The following DPYS variants were observed in gnomAD, a reference collection of about 807,000 sequenced individuals.
DPYS encodes the protein dihydropyrimidinase.
A neutral mutation model predicts 50.3 loss-of-function variants in DPYS; 39 were observed. The observed-to-expected ratio is 0.78, with a 90% CI of 0.60 to 1.01. The LOEUF (loss-of-function observed/expected upper bound fraction) is 1.01. Among genes scored for constraint, DPYS ranks in the 50% least tolerant of loss-of-function variants. DPYS has a pLI of 0.00. For missense variants in DPYS, 659 were observed against 680.9 expected, an observed-to-expected ratio of 0.97 and a Z score of 0.36; for synonymous variants, 245 against 250.7, an observed-to-expected ratio of 0.98 and a Z score of 0.22.
intron 9 of DPYS, chr8:104,380,944 G>A: frequency 2.2e-6 from 1 of 447,282 alleles, no homozygotes. Flanking sequence ...GATTATCCAA[G>A]GCTGTATTGA....
Position 104,393,285 on chromosome 8 carries a change from A to G in DPYS, c.1236-294T>C, listed in dbSNP as rs564782408. On this transcript the variant is annotated intron_variant, in intron 7 of 9. Transcript: ENST00000351513. ...ATGTTCAGATTTTAAAATTATTTTT[A>G]TTTATATGTTAACAACACATTTTTT... is the stretch of plus-strand genomic sequence containing the variant. 1.7e-3 allele frequency among the ~76,000 whole-genome samples: 262 copies of G among 152,300 alleles called. 1 individual carries two copies. Among genetic ancestry groups the G allele is most frequent in the Non-Finnish European group, 3.1e-3 (213 of 68,020 alleles).
intron 7 of DPYS, among the ~76,000 whole-genome samples, chr8:104,417,518 C>T (rs1812407001): frequency 6.6e-6 from 1 of 152,194 alleles, no homozygotes; most frequent in Admixed American, 6.5e-5. Flanking sequence ...TCTCCTGACT[C>T]TAAGTACCAA....
chr8:104,434,890 G>A (rs1231727731), intron 4 of DPYS, among the ~76,000 whole-genome samples: 1 of 152,308 alleles, frequency 6.6e-6, no homozygotes, highest in African/African-American at 2.4e-5. Flanking sequence ...GCTAAAACAA[G>A]TTTAACTGTA....
intron 1 of DPYS, among the ~76,000 whole-genome samples, chr8:104,453,135 T>C (rs903873260): frequency 1.3e-5 from 2 of 152,176 alleles, no homozygotes; most frequent in Non-Finnish European, 2.9e-5. Context: ...CTTACTTCAA[T>C]AGATTTTTAT....
At chr8:104,436,065 T>C (rs1465528201) in intron 4 of DPYS, among the ~76,000 whole-genome samples, 1 of 152,078 alleles carries the variant, frequency 6.6e-6, no homozygotes, top group African/African-American at 2.4e-5. Flanking sequence ...ATAAAGCTTC[T>C]TAGGTGGTGT....
At chr8:104,382,221 C>A (rs913025753) in intron 8 of DPYS, among the ~76,000 whole-genome samples, 2 of 152,192 alleles carry the variant, frequency 1.3e-5, no homozygotes, top group Non-Finnish European at 2.9e-5. Flanking sequence ...AGGCCCACAG[C>A]TCCTGCAGCC....
At chr8:104,399,218 G>T (rs1040184360) in intron 7 of DPYS, among the ~76,000 whole-genome samples, 2 of 150,992 alleles carry the variant, frequency 1.3e-5, no homozygotes, top group East Asian at 1.9e-4. Flanking sequence ...TTGAACCTGG[G>T]GGGTGGAGGT....
chr8:104,399,778 A>G (rs1811726782), intron 7 of DPYS, among the ~76,000 whole-genome samples: 1 of 144,276 alleles, frequency 6.9e-6, no homozygotes, highest in Admixed American at 7.1e-5. Flanking sequence ...CTGAGGCAGG[A>G]GAATGGCGTG....
At chr8:104,466,595 A>T in intron 1 of DPYS, 62 bp downstream of exon 1, 1 of 1,459,728 alleles carries the variant, frequency 6.9e-7, no homozygotes, top group Non-Finnish European at 9.0e-7. Context: ...CCCCGGGACG[A>T]CTGGGGAGGC....
At position 104,427,594 on chromosome 8, in the gene DPYS, T is replaced by G. The variant is rs189129393; in HGVS notation, c.1092+386A>C. On this transcript the variant is annotated intron_variant, in intron 6 of 9. Transcript: ENST00000351513. The stretch of plus-strand genomic sequence containing the variant: ...GCACCCTGCCCCTTCGTGTATTTTT[T>G]ATCATTTCAAGCATTCGTGCCAATG... Among the ~76,000 whole-genome samples, 3 of 152,024 alleles carry G rather than the reference T, an allele frequency of 2.0e-5. No individual in the cohort carries two copies. The East Asian group carries it at 5.9e-4, about 30-fold the overall frequency.
Position 104,451,324 on chromosome 8 carries a change from C to T in DPYS, c.345G>A (p.Glu115=). ...TGGGATCAGCCCAGCTTCGCCAGGT[C>T]TCGAAGGCCTCAATGAGGGAGCCAC... The part of the protein sequence containing the change: ...QKGGSLIEAF[E]TWRSWADPKV... The change falls in exon 2 of 10, where the codon GAG becomes GAA. Residue 115 remains glutamate (E), a synonymous_variant. Transcript: ENST00000351513. 1 of 1,614,182 alleles carries T rather than the reference C, an allele frequency of 6.2e-7. No homozygotes were observed. The highest frequency in any genetic ancestry group is 1.7e-5 in the Admixed American group (1 of 60,014).
At chr8:104,390,067 A>T (rs370138423) in intron 8 of DPYS, among the ~76,000 whole-genome samples, 58 of 152,248 alleles carry the variant, frequency 3.8e-4, no homozygotes, top group African/African-American at 1.3e-3. Flanking sequence ...ATGGTCTATC[A>T]GGGTTCCCTG....
rs147220026 is a variant in DPYS, at chr8:104,396,217, T to C, written c.1236-3226A>G. Among the ~76,000 whole-genome samples the C allele has an allele frequency of 3.0e-3, 457 of 152,322 alleles. 1 individual carries two copies. Among genetic ancestry groups the C allele is most frequent in the African/African-American group, 0.01 (432 of 41,568 alleles). ...GCTGCATTCCTACACATCACAGTTA[T>C]ATTGATGGGAGGGACTCTTGGGATT... On this transcript the variant is annotated intron_variant, in intron 7 of 9. Coordinates refer to ENST00000351513, the MANE Select transcript of DPYS (RefSeq NM_001385.3).
chr8:104,464,425 C>A (rs1453890613), intron 1 of DPYS, among the ~76,000 whole-genome samples: 1 of 152,210 alleles, frequency 6.6e-6, no homozygotes, highest in Non-Finnish European at 1.5e-5. Context: ...GCTGCTTCAT[C>A]TGGAACCCTG....
chr8:104,451,208 G>A (rs757247477), intron 2 of DPYS, 38 bp downstream of exon 2: 3 of 1,612,552 alleles, frequency 1.9e-6, no homozygotes, highest in African/African-American at 2.7e-5. Context: ...GTGAGGACAA[G>A]AGGACAATGG....
intron 7 of DPYS, among the ~76,000 whole-genome samples, chr8:104,417,714 AC>A (rs1378082564): frequency 6.6e-6 from 1 of 152,216 alleles, no homozygotes; most frequent in Non-Finnish European, 1.5e-5. Context: ...CTCCCTTTAC[AC>A]TAAATGCAGT....
At position 104,404,505 on chromosome 8, in the gene DPYS, A is replaced by G. The variant is rs1811928517; in HGVS notation, c.1236-11514T>C. ...ATCTTCTAAACTTAAATGAGTAAACAAAGTAACAGTTGTGAATAACAAAGT... is the reference window on the plus strand; with the variant it reads ...ATCTTCTAAACTTAAATGAGTAAACGAAGTAACAGTTGTGAATAACAAAGT... On this transcript the variant is annotated intron_variant, in intron 7 of 9. Transcript: ENST00000351513. Among the ~76,000 whole-genome samples, 3 of 152,402 alleles carry G rather than the reference A, an allele frequency of 2.0e-5. No individual in the cohort carries two copies. The South Asian group carries it at 6.2e-4, about 32-fold the overall frequency.
At chr8:104,446,730 A>AT (rs1813542599) in intron 3 of DPYS, among the ~76,000 whole-genome samples, 1 of 152,118 alleles carries the variant, frequency 6.6e-6, no homozygotes. Flanking sequence ...GCCTAAGGAG[A>AT]TTAAAAAAAA....
intron 8 of DPYS, among the ~76,000 whole-genome samples, chr8:104,392,089 A>C (rs966377741): frequency 6.6e-5 from 10 of 152,210 alleles, no homozygotes; most frequent in African/African-American, 1.9e-4. Context: ...TCTCCAGCCC[A>C]AAACTCCACC....
Sources: allele counts gnomAD v4.1 joint callset (sites outside exome capture counted in the v4.1 genomes callset), GRCh38; gene constraint gnomAD v4.1.1; transcripts MANE v1.5; gene names NCBI Gene and HGNC (gene_info 2026-07-23, HGNC 2026-07-21).